The following CCDC102B variants were observed in gnomAD, a reference collection of about 807,000 sequenced individuals.
CCDC102B encodes coiled-coil domain-containing protein 102B.
Under a neutral mutation model 57.4 loss-of-function variants are expected in CCDC102B, and 75 were observed. The observed-to-expected ratio is 1.31, with a 90% CI of 1.08 to 1.58. The LOEUF (loss-of-function observed/expected upper bound fraction) is 1.58, where lower values mean the gene tolerates loss of function less well. Ranked by LOEUF, CCDC102B falls within the 40% of genes most tolerant of loss-of-function variation. CCDC102B has a pLI of 0.00. For missense variants in CCDC102B, 636 were observed against 582.6 expected, an observed-to-expected ratio of 1.09 and a Z score of -0.94; for synonymous variants, 206 against 201.9, an observed-to-expected ratio of 1.02 and a Z score of -0.17.
chr18:68,822,954 C>T (rs574890286), intron 1 of CCDC102B, among the ~76,000 whole-genome samples: 83 of 152,194 alleles, frequency 5.5e-4, no homozygotes, highest in South Asian at 1.5e-3. Context: ...GACAAGAAAC[C>T]AGAGTCACCT....
At chr18:68,801,687 A>C (rs991434369) in intron 1 of CCDC102B, among the ~76,000 whole-genome samples, 5 of 152,130 alleles carry the variant, frequency 3.3e-5, no homozygotes, top group African/African-American at 1.2e-4. Flanking sequence ...CTGACTCGGG[A>C]GCATATGTTT....
chr18:68,909,266 A>G (rs914625665), intron 6 of CCDC102B, among the ~76,000 whole-genome samples: 121 of 152,210 alleles, frequency 7.9e-4, no homozygotes, highest in African/African-American at 2.9e-3. Flanking sequence ...GGAATGCATC[A>G]TGGTATCTGT....
intron 7 of CCDC102B, among the ~76,000 whole-genome samples, chr18:69,035,295 G>T (rs535786990): frequency 1.3e-5 from 2 of 152,084 alleles, no homozygotes; most frequent in African/African-American, 4.8e-5. Flanking sequence ...AATTTAAATG[G>T]AAGGTACTTG....
intron 2 of CCDC102B, among the ~76,000 whole-genome samples, chr18:68,743,932 T>C (rs1328007649): frequency 6.6e-6 from 1 of 152,216 alleles, no homozygotes; most frequent in Non-Finnish European, 1.5e-5. Flanking sequence ...GATAAATTAA[T>C]TTTTTTGTCC....
At chr18:68,889,735 G>A (rs114510012) in intron 5 of CCDC102B, among the ~76,000 whole-genome samples, 3,124 of 152,136 alleles carry the variant, frequency 0.021, 83 homozygotes, top group African/African-American at 0.064. Flanking sequence ...CACCGGGCCC[G>A]GCCAAATTAG....
intron 4 of CCDC102B, among the ~76,000 whole-genome samples, chr18:68,871,086 A>T (rs561720339): frequency 8.5e-5 from 13 of 152,278 alleles, no homozygotes; most frequent in African/African-American, 2.9e-4. Flanking sequence ...GAGATCAAGG[A>T]TATGGCAAAT....
chr18:68,846,191 T>A, intron 3 of CCDC102B, 122 bp from the exon 4 acceptor site: 1 of 458,536 alleles, frequency 2.2e-6, no homozygotes, highest in East Asian at 3.6e-5. Flanking sequence ...ATGTTTTCTC[T>A]CATTAAGATG....
In CCDC102B at chr18:68,867,545, G is replaced by T. The variant is rs75188003; in HGVS notation, c.937-7124G>T. ...GCCTAAAGGACAATTCTGTTCATTG[G>T]CCAGAACCCATGCCTTTAACACCTA... On this transcript the variant is annotated intron_variant, in intron 4 of 7. Transcript: ENST00000360242. Among the ~76,000 whole-genome samples, 1,165 of 152,190 alleles carry T rather than the reference G, an allele frequency of 7.7e-3. 14 individuals are homozygous for T. Among genetic ancestry groups the T allele is most frequent in the African/African-American group, 0.027 (1,124 of 41,494 alleles).
chr18:68,735,653 C>T (rs2033092902), intron 2 of CCDC102B, among the ~76,000 whole-genome samples: 1 of 152,192 alleles, frequency 6.6e-6, no homozygotes, highest in Non-Finnish European at 1.5e-5. Context: ...CCCAACTCCT[C>T]ACACACCCGT....
chr18:68,953,599 C>T (rs2145202932), intron 6 of CCDC102B, among the ~76,000 whole-genome samples: 1 of 151,602 alleles, frequency 6.6e-6, no homozygotes, highest in Middle Eastern at 3.4e-3. Context: ...TGGAAATTAA[C>T]TCTTTCAATG....
chr18:68,738,192 T>C (rs2145216626), intron 2 of CCDC102B, among the ~76,000 whole-genome samples: 1 of 152,282 alleles, frequency 6.6e-6, no homozygotes, highest in African/African-American at 2.4e-5. Context: ...TGGTCGTATG[T>C]CCACTGCTTC....
intron 6 of CCDC102B, among the ~76,000 whole-genome samples, chr18:68,931,494 TG>T (rs1027386028): frequency 2.6e-5 from 4 of 151,388 alleles, no homozygotes; most frequent in Non-Finnish European, 4.4e-5. Context: ...TTTTTTCGGT[TG>T]GGGGGTGTGA....
chr18:68,726,450 G>A (rs1056720043), intron 2 of CCDC102B, among the ~76,000 whole-genome samples: 18 of 152,300 alleles, frequency 1.2e-4, no homozygotes, highest in African/African-American at 4.1e-4. Context: ...AGTGAGAGAG[G>A]CTGATGGACG....
intron 4 of CCDC102B, among the ~76,000 whole-genome samples, chr18:68,873,115 C>G (rs2039300621): frequency 6.6e-6 from 1 of 152,090 alleles, no homozygotes; most frequent in South Asian, 2.1e-4. Flanking sequence ...TTCTGCTAGC[C>G]TCTGTTTTAT....
intron 5 of CCDC102B, among the ~76,000 whole-genome samples, chr18:68,890,392 C>T (rs73462056): frequency 3.3e-5 from 5 of 152,214 alleles, no homozygotes; most frequent in East Asian, 1.9e-4. Context: ...CATGCCACCA[C>T]GCCTGACTAA....
intron 6 of CCDC102B, among the ~76,000 whole-genome samples, chr18:68,911,577 C>T (rs891746621): frequency 4.7e-5 from 7 of 149,204 alleles, no homozygotes; most frequent in Non-Finnish European, 8.9e-5. Flanking sequence ...ACGGTGAAAC[C>T]CCGTCTCTAC....
At chr18:68,950,728 A>T (rs1299933732) in intron 6 of CCDC102B, among the ~76,000 whole-genome samples, 1 of 152,126 alleles carries the variant, frequency 6.6e-6, no homozygotes, top group Non-Finnish European at 1.5e-5. Context: ...GTAACTCCCA[A>T]CTTTCAGCCT....
chr18:68,882,965 AAC>A (rs899725499), intron 5 of CCDC102B, among the ~76,000 whole-genome samples: 1 of 152,192 alleles, frequency 6.6e-6, no homozygotes, highest in African/African-American at 2.4e-5. Context: ...AGAGGGGAAC[AAC>A]ACACACTGGG....
In CCDC102B at chr18:68,738,993, C is replaced by CTTTTTTT. The variant is rs201214278; in HGVS notation, c.-67+22403_-67+22404insTTTTTTT. On this transcript the variant is annotated intron_variant, in intron 2 of 3. Coordinates refer to the CCDC102B transcript ENST00000578970. ...GGCCATTGGACTGTAGATGAGCAGC[C>CTTTTTTT]TTTTGTTTTTTTTTTTTTTAGACCA... Among the ~76,000 whole-genome samples the CTTTTTTT allele has an allele frequency of 6.1e-3, 883 of 144,872 alleles. 52 individuals are homozygous for CTTTTTTT. Among genetic ancestry groups the CTTTTTTT allele is most frequent in the African/African-American group, 0.019 (732 of 37,852 alleles).
Sources: gnomAD v4.1 joint callset for allele counts (sites outside exome capture counted in the v4.1 genomes callset) on GRCh38, gnomAD v4.1.1 for gene constraint, MANE v1.5 for transcripts, NCBI Gene and HGNC (gene_info 2026-07-23, HGNC 2026-07-21) for gene names.